Variants in SNTG1 observed in about 807,000 individuals in gnomAD.
SNTG1 encodes the protein syntrophin gamma 1, also known as gamma-1-syntrophin.
A neutral mutation model predicts 74.7 loss-of-function variants in SNTG1; 39 were observed. That is an observed-to-expected ratio of 0.52 (90% confidence interval 0.40 to 0.68). The LOEUF (loss-of-function observed/expected upper bound fraction) is 0.68. Among genes scored for constraint, SNTG1 ranks in the 30% least tolerant of loss-of-function variants. SNTG1 has a pLI of 0.00. For synonymous variants in SNTG1, 254 were observed against 217.1 expected, an observed-to-expected ratio of 1.17 and a Z score of -1.49; for missense variants, 685 against 609.5, an observed-to-expected ratio of 1.12 and a Z score of -1.30.
chr8:50,123,205 A>C (rs2081049877), intron 1 of SNTG1, among the ~76,000 whole-genome samples: 1 of 143,098 alleles, frequency 7.0e-6, no homozygotes, highest in Non-Finnish European at 1.6e-5. Context: ...AATGTACATA[A>C]ATACAGACTA....
chr8:50,146,965 G>C (rs2081893945), intron 1 of SNTG1, among the ~76,000 whole-genome samples: 1 of 151,512 alleles, frequency 6.6e-6, no homozygotes, highest in African/African-American at 2.4e-5. Flanking sequence ...CTATATGGCT[G>C]TCTTCTTATT....
At chr8:50,194,792 T>C (rs1458198083) in intron 2 of SNTG1, among the ~76,000 whole-genome samples, 2 of 152,108 alleles carry the variant, frequency 1.3e-5, no homozygotes, top group African/African-American at 4.8e-5. Flanking sequence ...TTTTTTTTGA[T>C]GTAGGCACTT....
rs528451993 is a variant in SNTG1 at position 49,978,613 on chromosome 8, T to C, written c.-103+66382T>C. On this transcript the variant is annotated intron_variant, in intron 1 of 18. Coordinates refer to ENST00000642720, the MANE Select transcript of SNTG1 (RefSeq NM_018967.5). ...TTGTTGTCTTTATTGTAAAGGCCCA[T>C]GTTTCATTTAATAGTCTACCAGAAG... Among the ~76,000 whole-genome samples, 9 of 152,288 alleles carry C rather than the reference T, an allele frequency of 5.9e-5. No homozygotes were observed. The South Asian group carries it at 1.7e-3, about 28-fold the overall frequency.
chr8:50,687,086 G>T (rs1453880988), intron 15 of SNTG1, among the ~76,000 whole-genome samples: 5 of 149,998 alleles, frequency 3.3e-5, no homozygotes, highest in Non-Finnish European at 7.4e-5. Flanking sequence ...AGTGAGCCGA[G>T]ATTGCGCCAC....
chr8:50,041,698 C>A (rs1231424356), intron 1 of SNTG1, among the ~76,000 whole-genome samples: 1 of 152,152 alleles, frequency 6.6e-6, no homozygotes, highest in Non-Finnish European at 1.5e-5. Context: ...AGTTGAAAAG[C>A]GACAACATCC....
chr8:50,208,448 A>C (rs1029104787), intron 2 of SNTG1, among the ~76,000 whole-genome samples: 3 of 151,604 alleles, frequency 2.0e-5, no homozygotes, highest in Admixed American at 1.3e-4. Context: ...TTGAGCTTTT[A>C]TGTGTCTCTC....
intron 9 of SNTG1, among the ~76,000 whole-genome samples, chr8:50,512,229 T>C (rs542292595): frequency 1.3e-5 from 2 of 152,180 alleles, no homozygotes; most frequent in Admixed American, 6.5e-5. Flanking sequence ...TCTTTAAGAA[T>C]GTTTAATATT....
chr8:50,686,058 AT>A (rs1215442509), intron 15 of SNTG1, among the ~76,000 whole-genome samples: 2 of 152,132 alleles, frequency 1.3e-5, no homozygotes, highest in Non-Finnish European at 2.9e-5. Context: ...ATTATGGTAA[AT>A]GTTACAATTA....
chr8:50,724,827 A>G (rs1205922087), intron 17 of SNTG1, among the ~76,000 whole-genome samples: 1 of 152,216 alleles, frequency 6.6e-6, no homozygotes, highest in East Asian at 1.9e-4. Flanking sequence ...TTAAAGGTTT[A>G]GATGAATTTA....
Position 50,450,567 on chromosome 8 carries a change from G to T in SNTG1, c.289G>T (p.Gly97Ter). 1 of 1,613,334 alleles carries T rather than the reference G, an allele frequency of 6.2e-7. No homozygotes were observed. The change falls in exon 7 of 19, where the codon GGA becomes TGA. Residue 97 changes from glycine to a stop codon, truncating the protein, a stop_gained. Coordinates refer to ENST00000642720, the MANE Select transcript of SNTG1 (RefSeq NM_018967.5). LOFTEE classifies it high-confidence loss of function. The stretch of plus-strand genomic sequence containing the variant: ...TTTTTCATTCACAGCGGAACTTTCA[G>T]GACTACTTTTTATTGGAGATGCAAT... ...ISKEQRAELS[G>*]LLFIGDAILQ... is the part of the protein sequence containing the mutation.
chr8:50,162,970 C>T (rs946707652), intron 1 of SNTG1, among the ~76,000 whole-genome samples: 1 of 152,148 alleles, frequency 6.6e-6, no homozygotes, highest in Admixed American at 6.5e-5. Context: ...TCTAATGGCT[C>T]AGGGCAAACA....
chr8:50,415,054 A>G (rs1742767405), intron 4 of SNTG1, among the ~76,000 whole-genome samples: 1 of 152,200 alleles, frequency 6.6e-6, no homozygotes, highest in African/African-American at 2.4e-5. Context: ...ACTTTAAATT[A>G]TTATCCTGGA....
At chr8:50,154,517 C>A (rs1276545963) in intron 1 of SNTG1, among the ~76,000 whole-genome samples, 1 of 152,014 alleles carries the variant, frequency 6.6e-6, no homozygotes, top group African/African-American at 2.4e-5. Context: ...GTCTTAGTAA[C>A]TTTAGAATAG....
At chr8:49,951,446 A>G (rs973263758) in intron 1 of SNTG1, among the ~76,000 whole-genome samples, 3 of 152,172 alleles carry the variant, frequency 2.0e-5, no homozygotes, top group African/African-American at 7.2e-5. Context: ...TGGCCCCATC[A>G]GATAACCAGG....
chr8:50,071,516 T>C (rs1479039978), intron 1 of SNTG1, among the ~76,000 whole-genome samples: 1 of 152,146 alleles, frequency 6.6e-6, no homozygotes, highest in African/African-American at 2.4e-5. Context: ...TTTGCTTTTT[T>C]TGCCCAGGCT....
At chr8:50,717,626 T>A (rs556284297) in intron 17 of SNTG1, among the ~76,000 whole-genome samples, 1 of 152,332 alleles carries the variant, frequency 6.6e-6, no homozygotes, top group East Asian at 1.9e-4. Context: ...TTTCTTTCTG[T>A]TTCAAATTCC....
chr8:50,218,396 T>C (rs2084900747), intron 2 of SNTG1, among the ~76,000 whole-genome samples: 1 of 152,344 alleles, frequency 6.6e-6, no homozygotes, highest in Non-Finnish European at 1.5e-5. Flanking sequence ...ATATCAGAGT[T>C]CAGCATTTAT....
At chr8:50,580,058 AG>A (rs2094600344) in intron 12 of SNTG1, among the ~76,000 whole-genome samples, 2 of 152,232 alleles carry the variant, frequency 1.3e-5, no homozygotes, top group African/African-American at 2.4e-5. Context: ...GCAAAGCCAC[AG>A]GGGTGGACCT....
intron 13 of SNTG1, among the ~76,000 whole-genome samples, chr8:50,646,666 G>A (rs1033883752): frequency 6.6e-6 from 1 of 152,032 alleles, no homozygotes; most frequent in African/African-American, 2.4e-5. Flanking sequence ...AAAAACTAGG[G>A]ACAAATGTAG....
Sources: allele counts gnomAD v4.1 joint callset (sites outside exome capture counted in the v4.1 genomes callset), GRCh38; gene constraint gnomAD v4.1.1; transcripts MANE v1.5; gene names NCBI Gene and HGNC (gene_info 2026-07-23, HGNC 2026-07-21).